The following ELAVL4 variants were observed in gnomAD, a reference collection of about 807,000 sequenced individuals.
ELAVL4 encodes ELAV like RNA binding protein 4.
ELAVL4 carries 1 observed loss-of-function variant against 35.6 expected under a neutral mutation model. That is an observed-to-expected ratio of 0.03 (90% CI 0.01 to 0.13). The LOEUF is 0.13. ELAVL4 is among the 10% of genes least tolerant of loss of function. ELAVL4 has a pLI of 1.00. For missense variants in ELAVL4, 267 were observed against 464.9 expected (o/e 0.57, Z 3.91); for synonymous variants, 156 against 171.0 (o/e 0.91, Z 0.69).
At position 50,050,726 on chromosome 1, in the gene ELAVL4, A is replaced by G. The variant is rs370635061; in HGVS notation, c.18+2544A>G. On this transcript the variant is annotated intron_variant, in intron 1 of 6. Coordinates refer to the ELAVL4 transcript ENST00000448907. ...CATTAGTAGCTTAAAAAAAATTGAA[A>G]TGTTTTATTTGAGCAGTACTGCTCA... Among the ~76,000 whole-genome samples, 239 of 152,268 alleles carry G rather than the reference A, an allele frequency of 1.6e-3. 1 individual carries two copies. Among genetic ancestry groups the G allele is most frequent in the African/African-American group, 4.9e-3 (204 of 41,564 alleles).
At chr1:50,113,911 G>A (rs999647054) in intron 1 of ELAVL4, among the ~76,000 whole-genome samples, 1 of 152,068 alleles carries the variant, frequency 6.6e-6, no homozygotes, top group African/African-American at 2.4e-5. Flanking sequence ...TACTAAACAT[G>A]TATACACACT....
chr1:50,057,204 A>AG (rs983030773), intron 1 of ELAVL4, among the ~76,000 whole-genome samples: 11 of 152,052 alleles, frequency 7.2e-5, no homozygotes, highest in Non-Finnish European at 1.5e-4. Context: ...GTAAAAAAAA[A>AG]AATAATAGAA....
At chr1:50,110,150 C>T (rs917510088) in intron 1 of ELAVL4, among the ~76,000 whole-genome samples, 1 of 152,126 alleles carries the variant, frequency 6.6e-6, no homozygotes, top group African/African-American at 2.4e-5. Context: ...CAGAATCCAT[C>T]TCCAAGTGTA....
chr1:50,074,580 G>A (rs745786809), intron 1 of ELAVL4, among the ~76,000 whole-genome samples: 3 of 152,138 alleles, frequency 2.0e-5, no homozygotes, highest in Admixed American at 6.5e-5. Flanking sequence ...GTTGCCTTGA[G>A]GAATTCACAG....
intron 5 of ELAVL4, among the ~76,000 whole-genome samples, chr1:50,196,592 CCTT>C (rs1248616425): frequency 6.6e-6 from 1 of 152,186 alleles, no homozygotes; most frequent in Admixed American, 6.5e-5. Context: ...AATAGTAGGT[CCTT>C]CTATCTAGGA....
intron 1 of ELAVL4, among the ~76,000 whole-genome samples, chr1:50,056,333 T>C (rs927301027): frequency 6.6e-6 from 1 of 152,314 alleles, no homozygotes; most frequent in East Asian, 1.9e-4. Context: ...AGTGTAATAC[T>C]GTATGGTCAT....
intron 1 of ELAVL4, among the ~76,000 whole-genome samples, chr1:50,094,425 A>C (rs2148508026): frequency 6.6e-6 from 1 of 152,278 alleles, no homozygotes; most frequent in East Asian, 1.9e-4. Flanking sequence ...GAATTTAAGA[A>C]AGGTTACTGT....
At chr1:50,052,028 C>T (rs1289284073) in intron 1 of ELAVL4, among the ~76,000 whole-genome samples, 1 of 152,138 alleles carries the variant, frequency 6.6e-6, no homozygotes, top group Non-Finnish European at 1.5e-5. Flanking sequence ...AGGGCCCACT[C>T]ACATGACCTC....
At chr1:50,087,394 T>C (rs536646603) in intron 1 of ELAVL4, among the ~76,000 whole-genome samples, 28 of 152,330 alleles carry the variant, frequency 1.8e-4, no homozygotes, top group African/African-American at 5.5e-4. Flanking sequence ...TTTCTCACAA[T>C]CTTCAGAGGT....
intron 6 of ELAVL4, among the ~76,000 whole-genome samples, chr1:50,198,798 A>T (rs1159515186): frequency 1.3e-5 from 2 of 152,196 alleles, no homozygotes; most frequent in African/African-American, 4.8e-5. Flanking sequence ...AAACATCACT[A>T]GCTGATAATA....
In ELAVL4 at chr1:50,086,476, T is replaced by TTATATATA. The variant is rs35215248; in HGVS notation, c.18+38311_18+38318dup. 8.7e-3 allele frequency among the ~76,000 whole-genome samples: 1,259 copies of TTATATATA among 144,354 alleles called. 31 individuals are homozygous for TTATATATA. Among genetic ancestry groups the TTATATATA allele is most frequent in the Admixed American group, 0.061 (880 of 14,330 alleles). 94.7% of individuals were successfully genotyped at this position (144,354 alleles called of 152,430 possible). ...TTAGTTCCTTGGAACCATTCAGCTT[T>TTATATATA]TATATATATATATATATATATATAC... On this transcript the variant is annotated intron_variant, in intron 1 of 6. Coordinates refer to the ELAVL4 transcript ENST00000448907.
At chr1:50,098,360 TA>T (rs1478996579) in intron 1 of ELAVL4, among the ~76,000 whole-genome samples, 1 of 152,176 alleles carries the variant, frequency 6.6e-6, no homozygotes, top group Non-Finnish European at 1.5e-5. Flanking sequence ...ATAACTTGGT[TA>T]AAAAAATGAA....
chr1:50,052,405 A>G (rs1490801040), intron 1 of ELAVL4, among the ~76,000 whole-genome samples: 2 of 152,202 alleles, frequency 1.3e-5, no homozygotes, highest in Non-Finnish European at 2.9e-5. Flanking sequence ...GCTGAGTTTA[A>G]TCTGTGATAA....
chr1:50,118,961 A>AGAGAGAGG (rs1311795114), intron 1 of ELAVL4, among the ~76,000 whole-genome samples: 1 of 125,716 alleles, frequency 8.0e-6, no homozygotes, highest in African/African-American at 3.1e-5. Context: ...AGAGAGAGAG[A>AGAGAGAGG]GAGGGAGGGA....
chr1:50,193,235 T>C (rs57707217), intron 3 of ELAVL4, among the ~76,000 whole-genome samples: 1 of 152,214 alleles, frequency 6.6e-6, no homozygotes, highest in African/African-American at 2.4e-5. Flanking sequence ...GGGAACAGAC[T>C]GGAGCAACAC....
At chr1:50,103,927 G>A (rs1666118692), upstream of ELAVL4, 3 of 1,613,524 alleles carry the variant, frequency 1.9e-6, no homozygotes, top group Non-Finnish European at 2.5e-6. Context: ...TTGGAGTTTT[G>A]TGCTGTTGCA....
rs151077332 is a variant in ELAVL4, at chr1:50,194,652, A to C, written c.508+734A>C. ...TGCAGAGGGACCCTGGAGACCAAGA[A>C]AGAAGCAGGCACTGCCCCACCCTTA... On this transcript the variant is annotated intron_variant, in intron 4 of 6. Coordinates refer to ENST00000371824, the MANE Select transcript of ELAVL4 (RefSeq NM_001144774.3). 8.4e-3 allele frequency among the ~76,000 whole-genome samples: 1,278 copies of C among 152,286 alleles called. 5 individuals are homozygous for C. Among genetic ancestry groups the C allele is most frequent in the Non-Finnish European group, 0.013 (880 of 68,014 alleles).
At chr1:50,108,381 A>T (rs1335964502), upstream of ELAVL4, among the ~76,000 whole-genome samples, 1 of 152,232 alleles carries the variant, frequency 6.6e-6, no homozygotes, top group African/African-American at 2.4e-5. Context: ...ACTAAAAATC[A>T]GCAATATCTG....
At chr1:50,185,726 G>C (rs891012360) in intron 3 of ELAVL4, among the ~76,000 whole-genome samples, 1 of 152,208 alleles carries the variant, frequency 6.6e-6, no homozygotes, top group Non-Finnish European at 1.5e-5. Context: ...ATGAGGAGAG[G>C]GGGGGACTTT....
Sources: allele counts gnomAD v4.1 joint callset (sites outside exome capture counted in the v4.1 genomes callset), GRCh38; gene constraint gnomAD v4.1.1; transcripts MANE v1.5; gene names NCBI Gene and HGNC (gene_info 2026-07-23, HGNC 2026-07-21).